GAMT: variants seen among roughly 807,000 people sequenced by gnomAD.
GAMT encodes the protein guanidinoacetate N-methyltransferase.
A neutral mutation model predicts 26.9 loss-of-function variants in GAMT; 26 were observed. The observed-to-expected ratio is 0.97, with a 90% CI of 0.71 to 1.34. The LOEUF is 1.34. Among genes scored for constraint, GAMT ranks in the 40% most tolerant of loss-of-function variants. GAMT has a pLI of 0.00. For missense variants in GAMT, 412 were observed against 345.0 expected (o/e 1.19, Z -1.54); for synonymous variants, 169 against 149.6 (o/e 1.13, Z -0.95).
Position 1,401,487 on chromosome 19 carries a change from G to T in GAMT, c.-11C>A, listed in dbSNP as rs541565601. 1.6e-5 allele frequency: 21 copies of T among 1,313,910 alleles called. No individual in the cohort carries two copies. The South Asian group carries it at 3.7e-4, about 23-fold the overall frequency. The allele number at this position is 1,313,910 out of a possible 1,614,324, so 81.4% of individuals were successfully genotyped here. Reference sequence around the variant, plus strand: ...GCTGGGGGCGCTCATGCTGCAGGCTGGACGGCGACCCGACCTCGATCGCGC... The same window carrying T: ...GCTGGGGGCGCTCATGCTGCAGGCTTGACGGCGACCCGACCTCGATCGCGC... On this transcript the variant is annotated 5_prime_UTR_variant, in exon 1 of 6. Coordinates refer to ENST00000252288, the MANE Select transcript of GAMT (RefSeq NM_000156.6).
chr19:1,399,265 T>TC lies in GAMT; in HGVS notation c.392-71dup, dbSNP rs1227405594. 1.6e-5 allele frequency: 24 copies of TC among 1,535,550 alleles called. No homozygotes were observed. Among genetic ancestry groups the TC allele is most frequent in the African/African-American group, 2.7e-5 (2 of 73,312 alleles). ...GCCTCACCCAGCCTCACCCGGCTCATCCCCCAGCGGGTGGAGGTGCAGTGA... is the reference window on the plus strand; with the variant it reads ...GCCTCACCCAGCCTCACCCGGCTCATCCCCCCAGCGGGTGGAGGTGCAGTGA... On this transcript the variant is annotated intron_variant, in intron 3 of 5. Transcript: ENST00000252288. The surrounding 1 kb of genome is among the most constrained non-coding windows in gnomAD (Gnocchi z 6.2).
chr19:1,399,542 G>A lies in GAMT; in HGVS notation c.373C>T (p.Pro125Ser). The stretch of plus-strand genomic sequence containing the variant: ...CCCTCACCATCAAAGTGACCGTCAG[G>A]CAGGGTGGGTGCCACATCCTCCCAC... ...GLWEDVAPTL[P>S]DGHFDGILYD... The change falls in exon 3 of 6, where the codon CCT (proline) becomes TCT (serine). Residue 125 changes from proline (P) to serine (S), a missense_variant. By Grantham distance (74) the Pro-to-Ser change is moderately conservative (BLOSUM62 -1). Transcript: ENST00000252288. The surrounding 1 kb of genome is among the most constrained non-coding windows in gnomAD (Gnocchi z 6.2). The A allele has an allele frequency of 1.2e-6, 2 of 1,613,180 alleles. No homozygotes were observed. Among genetic ancestry groups the A allele is most frequent in the South Asian group, 1.1e-5 (1 of 90,952 alleles).
At position 1,399,417 on chromosome 19, in the gene GAMT, T is replaced by C. The variant is rs1384805349; in HGVS notation, c.391+107A>G. On this transcript the variant is annotated intron_variant, in intron 3 of 5. Transcript: ENST00000252288. This position sits in a 1 kb window ranked among gnomAD's most constrained non-coding sequence, Gnocchi z 6.2. ...ATCCCACAGCCAGGCCCACACCCAC[T>C]TGGGCTCTGTCCCCCCAGTGCACAT... 3 of 1,161,204 alleles carry C rather than the reference T, an allele frequency of 2.6e-6. No individual in the cohort carries two copies. The highest frequency in any genetic ancestry group is 2.7e-5 in the South Asian group (2 of 73,388). 71.9% of individuals were successfully genotyped at this position (1,161,204 alleles called of 1,614,324 possible). A position where few individuals can be genotyped will look rare whatever the true frequency, so the allele number is the denominator to read the frequency against.
At chr19:1,398,653 A>T in intron 5 of GAMT, 1 of 1,172,848 alleles carries the variant, frequency 8.5e-7, no homozygotes, top group Non-Finnish European at 1.2e-6. Context: ...TCTGTAGCCC[A>T]GGCTGGTCTT....
Position 1,401,316 on chromosome 19 carries a change from G to A in GAMT, c.161C>T (p.Ala54Val). Residue 54 changes from alanine (A) to valine (V), a missense_variant, in exon 1 of 6, where the codon GCC (alanine) becomes GTC (valine). Ala to Val is a moderately conservative substitution (Grantham distance 64). Transcript: ENST00000252288. ...RWETPYMHAL[A>V]AAASSKGGRV... The stretch of plus-strand genomic sequence containing the variant: ...GCTACCTTTGGAGGAGGCGGCGGCG[G>A]CCAGCGCGTGCATATAGGGGGTCTC... The A allele has an allele frequency of 6.6e-7, 1 of 1,516,064 alleles. No homozygotes were observed. The highest frequency in any genetic ancestry group is 1.2e-5 in the South Asian group (1 of 81,624). 93.9% of individuals were successfully genotyped at this position (1,516,064 alleles called of 1,614,324 possible).
At position 1,398,980 on chromosome 19, in the gene GAMT, C is replaced by T. The variant is rs121909272; in HGVS notation, c.506G>A (p.Cys169Tyr). The T allele has an allele frequency of 1.9e-6, 3 of 1,613,406 alleles. No individual in the cohort carries two copies. Among genetic ancestry groups the T allele is most frequent in the Admixed American group, 3.3e-5 (2 of 60,014 alleles). ...CAGCTCCCCCCAGGAGGTGAGGTTGCAGTAGGTGAGGACGCCCCCCGGCTT... is the reference window on the plus strand; with the variant it reads ...CAGCTCCCCCCAGGAGGTGAGGTTGTAGTAGGTGAGGACGCCCCCCGGCTT... ...LLKPGGVLTY[C>Y]NLTSWGELMK... Residue 169 changes from cysteine (C) to tyrosine (Y), a missense_variant, in exon 5 of 6, where the codon TGC (cysteine) becomes TAC (tyrosine). Coordinates refer to ENST00000252288, the MANE Select transcript of GAMT (RefSeq NM_000156.6).
At position 1,399,724 on chromosome 19, in the gene GAMT, A is replaced by C. The variant is rs266808; in HGVS notation, c.327+69T>G. On this transcript the variant is annotated intron_variant, in intron 2 of 5. Transcript: ENST00000252288. This position sits in a 1 kb window ranked among gnomAD's most constrained non-coding sequence, Gnocchi z 6.2. ...CCACCTCTGACAGCCCCAGGCCCCC[A>C]ACCCCCAGGAAGCAGTGCCCTCACC... The C allele has an allele frequency of 8.3e-3, 12,693 of 1,530,394 alleles. 930 individuals carry two copies. The African/African-American group carries it at 0.15, about 19-fold the overall frequency. 94.8% of individuals were successfully genotyped at this position (1,530,394 alleles called of 1,614,324 possible). A position where few individuals can be genotyped will look rare whatever the true frequency, so the allele number is the denominator to read the frequency against.
Position 1,397,066 on chromosome 19 carries a change from C to T in GAMT, c.*293G>A, listed in dbSNP as rs984923448. 13 of 417,448 alleles carry T rather than the reference C, an allele frequency of 3.1e-5. No individual in the cohort carries two copies. Among genetic ancestry groups the T allele is most frequent in the African/African-American group, 1.6e-4 (8 of 50,008 alleles). The allele number at this position is 417,448 out of a possible 1,614,324, so 25.9% of individuals were successfully genotyped here. ...GATGGGCGGGAGGTGAGGGAGCAGC[C>T]GCTGGAAGTAACAGTCGCACGCTCA... On this transcript the variant is annotated 3_prime_UTR_variant, in exon 6 of 6. Coordinates refer to ENST00000252288, the MANE Select transcript of GAMT (RefSeq NM_000156.6).
intron 5 of GAMT, 85 bp downstream of exon 5, chr19:1,398,831 G>C: frequency 6.3e-7 from 1 of 1,577,492 alleles, no homozygotes; most frequent in Non-Finnish European, 8.6e-7. Flanking sequence ...CCCTCCCCAG[G>C]TAGCAAGGTG....
chr19:1,400,696 G>T (rs1312595228), intron 1 of GAMT, among the ~76,000 whole-genome samples: 1 of 152,176 alleles, frequency 6.6e-6, no homozygotes, highest in Non-Finnish European at 1.5e-5. Context: ...CCACACATGG[G>T]CCCCCCGCTC....
Position 1,398,899 on chromosome 19 carries a change from A to T in GAMT, c.570+17T>A. On this transcript the variant is annotated intron_variant, in intron 5 of 5. Transcript: ENST00000252288. ...GTCACTTCCTGGAGACCCATGGGGA[A>T]CTTCAGGTGGGCGCACCTCAAACAT... The T allele has an allele frequency of 1.2e-6, 2 of 1,613,136 alleles. No homozygotes were observed. Among genetic ancestry groups the T allele is most frequent in the Non-Finnish European group, 1.7e-6 (2 of 1,179,950 alleles).
Position 1,401,439 on chromosome 19 carries a change from C to G in GAMT, c.38G>C (p.Gly13Ala), listed in dbSNP as rs1600160699. The G allele has an allele frequency of 1.4e-6, 2 of 1,411,802 alleles. No homozygotes were observed. The highest frequency in any genetic ancestry group is 3.0e-5 in the African/African-American group (2 of 67,092). 87.5% of individuals were successfully genotyped at this position (1,411,802 alleles called of 1,614,324 possible). A position where few individuals can be genotyped will look rare whatever the true frequency, so the allele number is the denominator to read the frequency against. Reference protein sequence around the residue: ...APSATPIFAPGENCSPAWGAA... With the variant: ...APSATPIFAPAENCSPAWGAA... ...CCCCCACGCGGGGCTGCAGTTCTCGCCGGGCGCGAAGATGGGGGTCGCGCT... is the reference window on the plus strand; with the variant it reads ...CCCCCACGCGGGGCTGCAGTTCTCGGCGGGCGCGAAGATGGGGGTCGCGCT... Residue 13 changes from glycine to alanine, a missense_variant, in exon 1 of 6, where the codon GGC becomes GCC. Transcript: ENST00000252288.
In GAMT at chr19:1,399,789, G is replaced by T; in HGVS notation, c.327+4C>A. 6.4e-7 allele frequency: 1 copy of T among 1,559,868 alleles called. No homozygotes were observed. Among genetic ancestry groups the T allele is most frequent in the East Asian group, 2.4e-5 (1 of 41,824 alleles). On this transcript the variant is annotated splice_donor_region_variant and intron_variant, in intron 2 of 5. Transcript: ENST00000252288. The surrounding 1 kb of genome is among the most constrained non-coding windows in gnomAD (Gnocchi z 6.2). The stretch of plus-strand genomic sequence containing the variant: ...TCCTGGAGGGCCTGCGGGCAGAGGG[G>T]CACCTTGTGTGTCTGCCGTGGGGCC...
At position 1,401,358 on chromosome 19, in the gene GAMT, G is replaced by C. The variant is rs1222736128; in HGVS notation, c.119C>G (p.Pro40Arg). ...GGGGGTCTCCCAGCGCTCCATCACC[G>C]GCTTGCCCAGGATGCGCAGGTGCGT... ...ADTHLRILGK[P>R]VMERWETPYM... Residue 40 changes from proline to arginine, a missense_variant, in exon 1 of 6, where the codon CCG becomes CGG. Coordinates refer to ENST00000252288, the MANE Select transcript of GAMT (RefSeq NM_000156.6). 2 of 1,530,032 alleles carry C rather than the reference G, an allele frequency of 1.3e-6. No homozygotes were observed. Among genetic ancestry groups the C allele is most frequent in the Non-Finnish European group, 1.7e-6 (2 of 1,147,716 alleles). 94.8% of individuals were successfully genotyped at this position (1,530,032 alleles called of 1,614,324 possible). A position where few individuals can be genotyped will look rare whatever the true frequency, so the allele number is the denominator to read the frequency against.
chr19:1,397,559 GC>G, intron 5 of GAMT, 60 bp from the exon 6 acceptor site: 1 of 1,589,966 alleles, frequency 6.3e-7, no homozygotes, highest in South Asian at 1.1e-5. Context: ...GCACCCTGGC[GC>G]CCACCCCTCA....
Position 1,401,359 on chromosome 19 carries a change from G to A in GAMT, c.118C>T (p.Pro40Ser), listed in dbSNP as rs11551914. 5 of 1,529,588 alleles carry A rather than the reference G, an allele frequency of 3.3e-6. No individual in the cohort carries two copies. In the African/African-American group the frequency reaches 4.3e-5, roughly 13 times the overall value. 94.8% of individuals were successfully genotyped at this position (1,529,588 alleles called of 1,614,324 possible). A position where few individuals can be genotyped will look rare whatever the true frequency, so the allele number is the denominator to read the frequency against. ...GGGGTCTCCCAGCGCTCCATCACCG[G>A]CTTGCCCAGGATGCGCAGGTGCGTG... ...ADTHLRILGK[P>S]VMERWETPYM... Residue 40 changes from proline to serine, a missense_variant, in exon 1 of 6, where the codon CCG becomes TCG. By Grantham distance (74) the Pro-to-Ser change is moderately conservative. Coordinates refer to ENST00000252288, the MANE Select transcript of GAMT (RefSeq NM_000156.6).
Position 1,397,369 on chromosome 19 carries a change from G to A in GAMT, c.701C>T (p.Thr234Ile), listed in dbSNP as rs1401966018. Residue 234 changes from threonine (T) to isoleucine (I), a missense_variant, in exon 6 of 6, where the codon ACC becomes ATC. By Grantham distance (89) the Thr-to-Ile change is moderately conservative (BLOSUM62 -1). Coordinates refer to ENST00000252288, the MANE Select transcript of GAMT (RefSeq NM_000156.6). ...AFPQMITPLVTKG is the reference protein window; with the variant it reads ...AFPQMITPLVIKG ...GGCCGGGGTGGGGGCTCAGCCTTTG[G>A]TCACCAGGGGCGTGATCATCTGTGG... 6.2e-7 allele frequency: 1 copy of A among 1,611,688 alleles called. No homozygotes were observed. Among genetic ancestry groups the A allele is most frequent in the African/African-American group, 1.3e-5 (1 of 74,914 alleles).
chr19:1,399,683 GAGA>G lies in GAMT; in HGVS notation c.328-99_328-97del, dbSNP rs1296771398. 5.9e-6 allele frequency: 9 copies of G among 1,525,974 alleles called. No individual in the cohort carries two copies. Among genetic ancestry groups the G allele is most frequent in the South Asian group, 4.7e-5 (4 of 84,408 alleles). The allele number at this position is 1,525,974 out of a possible 1,614,324, so 94.5% of individuals were successfully genotyped here. On this transcript the variant is annotated intron_variant, in intron 2 of 5. Transcript: ENST00000252288. This position sits in a 1 kb window ranked among gnomAD's most constrained non-coding sequence, Gnocchi z 6.2. Reference sequence around the variant, plus strand: ...GGAGCGGCCAGGGGGACTCCCGAGAGAGAAGACCACCTCCTCCACCTCTGACAG... The same window carrying G: ...GGAGCGGCCAGGGGGACTCCCGAGAGAGACCACCTCCTCCACCTCTGACAG...
chr19:1,400,809 TAGC>T (rs2082629507), intron 1 of GAMT, among the ~76,000 whole-genome samples: 1 of 152,140 alleles, frequency 6.6e-6, no homozygotes, highest in African/African-American at 2.4e-5. Context: ...AGTCCTTTCT[TAGC>T]AGCCCTTAGC....
Sources: gnomAD v4.1 joint callset for allele counts (sites outside exome capture counted in the v4.1 genomes callset) on GRCh38, gnomAD v4.1.1 for gene constraint, Gnocchi (gnomAD v3.1) non-coding constraint, MANE v1.5 for transcripts, NCBI Gene and HGNC (gene_info 2026-07-23, HGNC 2026-07-21) for gene names.